Variants in BCCIP observed in about 807,000 individuals in gnomAD.
BCCIP encodes the protein BRCA2 and CDKN1A-interacting protein.
In BCCIP, 23 loss-of-function variants were observed where a neutral mutation model predicts 32.8. The observed-to-expected ratio is 0.70, with a 90% confidence interval of 0.51 to 0.99. The LOEUF is 0.99. Among genes scored for constraint, BCCIP ranks in the 50% least tolerant of loss-of-function variants. BCCIP has a pLI of 0.00. For missense variants in BCCIP, 378 were observed against 379.8 expected, an observed-to-expected ratio of 1.00 and a Z score of 0.04; for synonymous variants, 144 against 137.6, an observed-to-expected ratio of 1.05 and a Z score of -0.33.
In BCCIP at chr10:125,823,723, G is replaced by A. The variant is rs144660023; in HGVS notation, c.165+1G>A. The A allele has an allele frequency of 1.2e-5, 20 of 1,613,974 alleles. No individual in the cohort carries two copies. Among genetic ancestry groups the A allele is most frequent in the African/African-American group, 1.1e-4 (8 of 74,920 alleles). On this transcript the variant is annotated splice_donor_variant, in intron 1 of 6. Coordinates refer to ENST00000278100, the MANE Select transcript of BCCIP (RefSeq NM_078468.3). LOFTEE classifies it high-confidence loss of function. Reference sequence around the variant, plus strand: ...TGAAGAGGACGAGGTCATTGACGAGGTGAGAAGGACACGCTCCCCTAGTTG... The same window carrying A: ...TGAAGAGGACGAGGTCATTGACGAGATGAGAAGGACACGCTCCCCTAGTTG...
downstream of BCCIP, among the ~76,000 whole-genome samples, chr10:125,846,432 G>C (rs73381238): frequency 0.022 from 3,420 of 152,266 alleles, 129 homozygotes; most frequent in African/African-American, 0.077. Flanking sequence ...TTTGGTGTTG[G>C]TTCATGATTT....
chr10:125,838,976 C>T (rs776856189), downstream of BCCIP: 15 of 1,606,158 alleles, frequency 9.3e-6, no homozygotes, highest in Non-Finnish European at 1.2e-5. Context: ...AGAGCCTATG[C>T]TGAGGTGACC....
At chr10:125,835,061 A>AG (rs1242174450) in intron 6 of BCCIP, among the ~76,000 whole-genome samples, 1 of 151,346 alleles carries the variant, frequency 6.6e-6, no homozygotes, top group Non-Finnish European at 1.5e-5. Context: ...TAAACCCGGG[A>AG]GGCGGAGCTT....
intron 6 of BCCIP, among the ~76,000 whole-genome samples, chr10:125,835,432 AG>A (rs1854647021): frequency 6.6e-6 from 1 of 152,008 alleles, no homozygotes; most frequent in South Asian, 2.1e-4. Flanking sequence ...ACAAAAAATT[AG>A]CCAGGCACAA....
At chr10:125,841,371 C>G (rs757822772), downstream of BCCIP, 5 of 1,613,096 alleles carry the variant, frequency 3.1e-6, no homozygotes, top group Middle Eastern at 3.3e-4. Flanking sequence ...TTAAAACATA[C>G]AAGCCAGGAT....
intron 1 of BCCIP, among the ~76,000 whole-genome samples, chr10:125,824,390 C>A (rs1224023736): frequency 1.3e-5 from 2 of 152,196 alleles, no homozygotes; most frequent in African/African-American, 4.8e-5. Context: ...CTTCAGCCTA[C>A]TGAATGTTTA....
At chr10:125,841,415 A>G, downstream of BCCIP, 1 of 1,596,160 alleles carries the variant, frequency 6.3e-7, no homozygotes, top group Non-Finnish European at 8.5e-7. Context: ...AAACAGGCAC[A>G]CAACATTATT....
chr10:125,823,794 A>C, intron 1 of BCCIP, 72 bp downstream of exon 1: 1 of 1,581,228 alleles, frequency 6.3e-7, no homozygotes, highest in South Asian at 1.2e-5. Flanking sequence ...GCTGTGTAAA[A>C]ATAGTGTAGG....
chr10:125,841,868 T>C lies in BCCIP; in HGVS notation c.*509T>C. On this transcript the variant is annotated 3_prime_UTR_variant, in exon 7 of 7. Transcript: ENST00000299130. ...CATGATGATTCCAAATTCAGAAAGA[T>C]TTCCATCATTATCCAGTGCTGCCAG... 1 of 1,613,756 alleles carries C rather than the reference T, an allele frequency of 6.2e-7. No homozygotes were observed. Among genetic ancestry groups the C allele is most frequent in the Non-Finnish European group, 8.5e-7 (1 of 1,179,948 alleles).
chr10:125,835,168 G>A (rs772729465), intron 6 of BCCIP, among the ~76,000 whole-genome samples: 1 of 151,894 alleles, frequency 6.6e-6, no homozygotes, highest in Non-Finnish European at 1.5e-5. Flanking sequence ...TCTCTGAGGG[G>A]AACATATTTT....
intron 7 of BCCIP, chr10:125,852,339 C>T (rs772299386): frequency 1.2e-6 from 2 of 1,614,186 alleles, no homozygotes; most frequent in South Asian, 2.2e-5. Flanking sequence ...CAATGTCTAT[C>T]CTCTTCATAA....
intron 7 of BCCIP, among the ~76,000 whole-genome samples, chr10:125,848,977 G>C (rs1378134884): frequency 6.6e-6 from 1 of 152,208 alleles, no homozygotes; most frequent in Non-Finnish European, 1.5e-5. Flanking sequence ...AGCCCTGGCA[G>C]CCTGGCCCAA....
chr10:125,852,209 C>T lies in BCCIP; in HGVS notation c.851-916C>T, dbSNP rs551823067. ...CTCCATGCTTGTGTGCATTGCTGCG[C>T]ATCATGTGAACTCAGGACAGAGAAT... On this transcript the variant is annotated intron_variant, in intron 7 of 7. Coordinates refer to the BCCIP transcript ENST00000368759. 31 of 1,519,258 alleles carry T rather than the reference C, an allele frequency of 2.0e-5. 1 individual carries two copies. In the African/African-American group the frequency reaches 3.3e-4, roughly 16 times the overall value. The allele number at this position is 1,519,258 out of a possible 1,614,324, so 94.1% of individuals were successfully genotyped here. A position where few individuals can be genotyped will look rare whatever the true frequency, so the allele number is the denominator to read the frequency against.
exon 8 of BCCIP, chr10:125,853,628 TCAAA>T (rs1235755002): frequency 8.1e-6 from 2 of 245,950 alleles, no homozygotes; most frequent in Admixed American, 5.2e-5. Context: ...AGTTTAAGAG[TCAAA>T]CAATTTGCTT....
rs1231850010 is a variant in BCCIP, at chr10:125,833,950, A to G, written c.774+4A>G. 1 of 1,613,384 alleles carries G rather than the reference A, an allele frequency of 6.2e-7. No individual in the cohort carries two copies. The highest frequency in any genetic ancestry group is 8.5e-7 in the Non-Finnish European group (1 of 1,179,522). On this transcript the variant is annotated splice_donor_region_variant and intron_variant, in intron 6 of 6. Coordinates refer to ENST00000278100, the MANE Select transcript of BCCIP (RefSeq NM_078468.3). Reference sequence around the variant, plus strand: ...AGAGGAAGAATTTTTCTATGAGGTAAGACTATCCTGCTTATTTGTTTAGAT... The same window carrying G: ...AGAGGAAGAATTTTTCTATGAGGTAGGACTATCCTGCTTATTTGTTTAGAT...
rs955479970 is a variant in BCCIP, at chr10:125,831,282, T to C, written c.412-138T>C. ...TGAGAAATGCTTAAGCAGTCAACAC[T>C]GAAGACATACAAGACGTTAAGGCTA... is the stretch of plus-strand genomic sequence containing the variant. On this transcript the variant is annotated intron_variant, in intron 4 of 6. Coordinates refer to ENST00000278100, the MANE Select transcript of BCCIP (RefSeq NM_078468.3). 6.8e-6 allele frequency: 5 copies of C among 734,064 alleles called. No individual in the cohort carries two copies. The South Asian group carries it at 9.5e-5, about 14-fold the overall frequency. The allele number at this position is 734,064 out of a possible 1,614,324, so 45.5% of individuals were successfully genotyped here. A position where few individuals can be genotyped will look rare whatever the true frequency, so the allele number is the denominator to read the frequency against.
downstream of BCCIP, chr10:125,838,311 G>C (rs2134021103): frequency 4.3e-6 from 7 of 1,613,962 alleles, no homozygotes; most frequent in Admixed American, 1.7e-5. Flanking sequence ...TGAGTAACCA[G>C]ACAGGGGATG....
At chr10:125,840,657 G>C (rs971969118), downstream of BCCIP, among the ~76,000 whole-genome samples, 1 of 152,254 alleles carries the variant, frequency 6.6e-6, no homozygotes, top group African/African-American at 2.4e-5. Flanking sequence ...CCAGAGCTCC[G>C]TGGGAGCAGG....
chr10:125,824,652 G>A (rs947478125), intron 1 of BCCIP, among the ~76,000 whole-genome samples: 2 of 151,104 alleles, frequency 1.3e-5, no homozygotes, highest in Non-Finnish European at 1.5e-5. Flanking sequence ...CTCTTGCCTG[G>A]ACTACTATTT....
Sources: gnomAD v4.1 joint callset for allele counts (sites outside exome capture counted in the v4.1 genomes callset) on GRCh38, gnomAD v4.1.1 for gene constraint, MANE v1.5 for transcripts, NCBI Gene and HGNC (gene_info 2026-07-23, HGNC 2026-07-21) for gene names.